Variants in ADK observed in about 807,000 individuals in gnomAD.
ADK encodes N6,N6-dimethyladenosine kinase.
ADK carries 24 observed loss-of-function variants against 44.7 expected under a neutral mutation model. The ratio of observed to expected loss-of-function variants is 0.54; its 90% CI spans 0.39 to 0.76. ADK has a LOEUF of 0.76. Ranked by LOEUF, ADK falls within the 30% of genes least tolerant of loss-of-function variation. The pLI, the probability that ADK is intolerant of heterozygous loss-of-function variation, is 0.00. For missense variants in ADK, 321 were observed against 425.1 expected (o/e 0.76, Z 2.15); for synonymous variants, 128 against 142.6 (o/e 0.90, Z 0.73).
chr10:74,549,125 G>A (rs1369829915), intron 7 of ADK, among the ~76,000 whole-genome samples: 1 of 152,126 alleles, frequency 6.6e-6, no homozygotes, highest in Non-Finnish European at 1.5e-5. Flanking sequence ...TTCAATTATA[G>A]CGTACAACTT....
Position 74,702,077 on chromosome 10 carries a change from C to T in ADK, c.965-6244C>T, listed in dbSNP as rs150305464. 1.1e-4 allele frequency among the ~76,000 whole-genome samples: 16 copies of T among 152,202 alleles called. No individual in the cohort carries two copies. The East Asian group carries it at 3.1e-3, about 29-fold the overall frequency. The stretch of plus-strand genomic sequence containing the variant: ...ACTGGTAAATGTGAAAATCATTTCA[C>T]AGCTGCAGTTGGAAAATCATCACAG... On this transcript the variant is annotated intron_variant, in intron 10 of 10. Coordinates refer to ENST00000539909, the MANE Select transcript of ADK (RefSeq NM_006721.4).
chr10:74,553,567 T>C (rs1850127130), intron 7 of ADK, among the ~76,000 whole-genome samples: 1 of 152,174 alleles, frequency 6.6e-6, no homozygotes, highest in Non-Finnish European at 1.5e-5. Context: ...CCCAACTACA[T>C]GGATAAATCT....
chr10:74,663,028 G>A (rs1017512471), intron 9 of ADK, among the ~76,000 whole-genome samples: 4 of 151,900 alleles, frequency 2.6e-5, no homozygotes, highest in African/African-American at 7.3e-5. Flanking sequence ...TTGAGCTCAC[G>A]ATTTCAAGGC....
At chr10:74,381,683 G>A (rs1489024180) in intron 4 of ADK, among the ~76,000 whole-genome samples, 1 of 152,236 alleles carries the variant, frequency 6.6e-6, no homozygotes, top group African/African-American at 2.4e-5. Context: ...GCAGTGTTAG[G>A]AGATATTGAC....
chr10:74,362,073 C>G (rs1290312034), intron 4 of ADK, among the ~76,000 whole-genome samples: 1 of 152,106 alleles, frequency 6.6e-6, no homozygotes, highest in East Asian at 1.9e-4. Flanking sequence ...AATTAGTGAT[C>G]TTTGACCTTA....
At chr10:74,381,310 G>A (rs1842970744) in intron 4 of ADK, among the ~76,000 whole-genome samples, 1 of 152,034 alleles carries the variant, frequency 6.6e-6, no homozygotes, top group Admixed American at 6.6e-5. Context: ...TTAGATTTTT[G>A]CTAAATGGTA....
chr10:74,286,770 G>A (rs1591988718), intron 3 of ADK, among the ~76,000 whole-genome samples: 1 of 152,214 alleles, frequency 6.6e-6, no homozygotes, highest in East Asian at 1.9e-4. Flanking sequence ...ACCATTTAAT[G>A]CATTGTGGCA....
At chr10:74,285,015 T>G (rs1476936111) in intron 3 of ADK, among the ~76,000 whole-genome samples, 1 of 152,222 alleles carries the variant, frequency 6.6e-6, no homozygotes, top group Non-Finnish European at 1.5e-5. Flanking sequence ...TTACTGGAAC[T>G]TTTTTAAGTG....
At position 74,190,583 on chromosome 10, in the gene ADK, GT is replaced by G. The variant is rs372502776; in HGVS notation, c.66-10176del. ...AAATGTTAAGCAATTGTAGCTGATT[GT>G]TTTTGACAAATAAATACCTTGGGGG... On this transcript the variant is annotated intron_variant, in intron 1 of 10. Coordinates refer to ENST00000539909, the MANE Select transcript of ADK (RefSeq NM_006721.4). Among the ~76,000 whole-genome samples, 62 of 152,294 alleles carry G rather than the reference GT, an allele frequency of 4.1e-4. 1 individual carries two copies. The Middle Eastern group carries it at 0.01, about 25-fold the overall frequency.
At chr10:74,380,478 C>T (rs1842945412) in intron 4 of ADK, among the ~76,000 whole-genome samples, 1 of 152,064 alleles carries the variant, frequency 6.6e-6, no homozygotes, top group South Asian at 2.1e-4. Context: ...TAGTTCTTCT[C>T]CGGGCGCAGT....
intron 4 of ADK, among the ~76,000 whole-genome samples, chr10:74,379,100 T>C (rs889905005): frequency 6.6e-6 from 1 of 152,168 alleles, no homozygotes; most frequent in Admixed American, 6.5e-5. Flanking sequence ...TAAAGATTTT[T>C]GCTTTTTAGT....
chr10:74,251,203 G>A (rs1244467327), intron 3 of ADK, among the ~76,000 whole-genome samples: 10 of 152,198 alleles, frequency 6.6e-5, no homozygotes, highest in Non-Finnish European at 1.5e-4. Context: ...ATTTGGTTTT[G>A]TAATATTGAG....
intron 7 of ADK, among the ~76,000 whole-genome samples, chr10:74,544,554 A>C (rs1237892247): frequency 6.6e-6 from 1 of 152,192 alleles, no homozygotes; most frequent in Non-Finnish European, 1.5e-5. Flanking sequence ...AAATGAAAGC[A>C]CAGATAAAAT....
intron 7 of ADK, among the ~76,000 whole-genome samples, chr10:74,552,914 C>T (rs1589241560): frequency 6.6e-6 from 1 of 152,106 alleles, no homozygotes; most frequent in South Asian, 2.1e-4. Context: ...TGGTTAAAAT[C>T]AAAAGGACTA....
intron 6 of ADK, among the ~76,000 whole-genome samples, chr10:74,520,363 A>G (rs1242331489): frequency 6.6e-6 from 1 of 151,756 alleles, no homozygotes; most frequent in African/African-American, 2.4e-5. Context: ...GATTAATTAT[A>G]GTCATGGTTA....
intron 1 of ADK, among the ~76,000 whole-genome samples, chr10:74,153,134 A>G (rs1348313849): frequency 6.6e-6 from 1 of 152,250 alleles, no homozygotes. Context: ...TTTAATGTGC[A>G]GCATCAGTGG....
intron 7 of ADK, among the ~76,000 whole-genome samples, chr10:74,586,790 G>T (rs977953858): frequency 4.0e-5 from 6 of 151,208 alleles, no homozygotes; most frequent in African/African-American, 1.5e-4. Context: ...GGAGGCGGAG[G>T]TTGCAATGAG....
At chr10:74,474,804 C>G (rs1846760914) in intron 6 of ADK, among the ~76,000 whole-genome samples, 1 of 152,168 alleles carries the variant, frequency 6.6e-6, no homozygotes, top group Admixed American at 6.5e-5. Context: ...AATTACAGGC[C>G]TGAGCCACTA....
chr10:74,475,938 T>C (rs1846819825), intron 6 of ADK, among the ~76,000 whole-genome samples: 1 of 152,136 alleles, frequency 6.6e-6, no homozygotes, highest in South Asian at 2.1e-4. Flanking sequence ...GCAGATAGAA[T>C]TAGGAAATAT....
Sources: allele counts gnomAD v4.1 joint callset (sites outside exome capture counted in the v4.1 genomes callset), GRCh38; gene constraint gnomAD v4.1.1; transcripts MANE v1.5; gene names NCBI Gene and HGNC (gene_info 2026-07-23, HGNC 2026-07-21).